ARHGAP20: variants seen among roughly 807,000 people sequenced by gnomAD.
ARHGAP20 encodes the protein Rho GTPase activating protein 20.
ARHGAP20 carries 34 observed loss-of-function variants against 73.7 expected under a neutral mutation model. The observed-to-expected ratio is 0.46, with a 90% CI of 0.35 to 0.61. ARHGAP20 has a LOEUF of 0.61. Ranked by LOEUF, ARHGAP20 falls within the 20% of genes least tolerant of loss-of-function variation. The pLI is 0.00. For missense variants in ARHGAP20, 1,314 were observed against 1,420.9 expected, an observed-to-expected ratio of 0.92 and a Z score of 1.21; for synonymous variants, 523 against 518.2, an observed-to-expected ratio of 1.01 and a Z score of -0.13.
chr11:110,580,080 C>T lies in ARHGAP20; in HGVS notation c.2866G>A (p.Ala956Thr), dbSNP rs770516001. The change falls in exon 15 of 15, where the codon GCT (alanine) becomes ACT (threonine). Residue 956 changes from alanine (A) to threonine (T), a missense_variant. Physicochemically the swap from Ala to Thr is moderately conservative, Grantham distance 58. Transcript: ENST00000683387. The stretch of plus-strand genomic sequence containing the variant: ...GAGTGTTCAGAAATCTGAGAAAAAG[C>T]ACTGTCTTGGGAGCTTACTGATGAG... Reference protein sequence around the residue: ...SGSSVSSQDSAFSQISEHSVF... With the variant: ...SGSSVSSQDSTFSQISEHSVF... The T allele has an allele frequency of 6.2e-7, 1 of 1,614,186 alleles. No individual in the cohort carries two copies. Among genetic ancestry groups the T allele is most frequent in the South Asian group, 1.1e-5 (1 of 91,086 alleles).
chr11:110,674,278 G>T (rs1468431986), intron 2 of ARHGAP20, among the ~76,000 whole-genome samples: 1 of 152,166 alleles, frequency 6.6e-6, no homozygotes, highest in African/African-American at 2.4e-5. Flanking sequence ...TTTGTAAAAT[G>T]AAAAAGCCAT....
At chr11:110,653,045 C>T (rs1023030699) in intron 2 of ARHGAP20, among the ~76,000 whole-genome samples, 5 of 152,120 alleles carry the variant, frequency 3.3e-5, no homozygotes, top group South Asian at 2.1e-4. Context: ...TGGACCCTTT[C>T]CTTACATCTT....
chr11:110,624,321 T>A lies in ARHGAP20; in HGVS notation c.354-10A>T. 1 of 1,530,184 alleles carries A rather than the reference T, an allele frequency of 6.5e-7. No individual in the cohort carries two copies. Among genetic ancestry groups the A allele is most frequent in the African/African-American group, 1.4e-5 (1 of 70,372 alleles). The allele number at this position is 1,530,184 out of a possible 1,614,324, so 94.8% of individuals were successfully genotyped here. A position where few individuals can be genotyped will look rare whatever the true frequency, so the allele number is the denominator to read the frequency against. ...AAAGTTATTGTTATATCTAGAAAGA[T>A]AAAAACCAAACAGAACCTTTTGTTA... is the stretch of plus-strand genomic sequence containing the variant. On this transcript the variant is annotated splice_polypyrimidine_tract_variant and intron_variant, in intron 3 of 14. Transcript: ENST00000683387.
chr11:110,638,505 C>T lies in ARHGAP20; in HGVS notation c.189-7713G>A, dbSNP rs190635666. On this transcript the variant is annotated intron_variant, in intron 2 of 14. Transcript: ENST00000683387. ...GTCTTAGGTAAGAGATGTTGCACAC[C>T]CAAGTTGGCAGTGAGAAAGGGATAG... is the stretch of plus-strand genomic sequence containing the variant. Among the ~76,000 whole-genome samples, 11 of 151,794 alleles carry T rather than the reference C, an allele frequency of 7.2e-5. No individual in the cohort carries two copies. The East Asian group carries it at 1.9e-3, about 27-fold the overall frequency.
intron 2 of ARHGAP20, among the ~76,000 whole-genome samples, chr11:110,651,304 C>T (rs928046813): frequency 6.6e-6 from 1 of 152,014 alleles, no homozygotes; most frequent in Non-Finnish European, 1.5e-5. Context: ...CCTAACATCA[C>T]AACTAAAAGA....
At chr11:110,666,030 C>T (rs1824757451) in intron 2 of ARHGAP20, among the ~76,000 whole-genome samples, 1 of 151,990 alleles carries the variant, frequency 6.6e-6, no homozygotes, top group African/African-American at 2.4e-5. Context: ...CATATATACA[C>T]ACACATATAT....
intron 9 of ARHGAP20, among the ~76,000 whole-genome samples, chr11:110,598,675 G>C (rs1948033588): frequency 6.6e-6 from 1 of 152,176 alleles, no homozygotes; most frequent in African/African-American, 2.4e-5. Context: ...GCAGCAGCAG[G>C]CTGTCTGGAG....
At chr11:110,697,147 G>C (rs1339538763) in intron 1 of ARHGAP20, among the ~76,000 whole-genome samples, 1 of 151,584 alleles carries the variant, frequency 6.6e-6, no homozygotes, top group Non-Finnish European at 1.5e-5. Flanking sequence ...TATATTTTTA[G>C]TTGTTTGATA....
intron 2 of ARHGAP20, among the ~76,000 whole-genome samples, chr11:110,679,975 A>G (rs548682876): frequency 6.6e-6 from 1 of 152,248 alleles, no homozygotes; most frequent in East Asian, 1.9e-4. Context: ...GTAGACTCTT[A>G]CCCTCTTTCC....
chr11:110,623,228 C>A (rs1948666547), intron 4 of ARHGAP20, among the ~76,000 whole-genome samples: 1 of 152,034 alleles, frequency 6.6e-6, no homozygotes, highest in African/African-American at 2.4e-5. Flanking sequence ...TTTAAGTTGT[C>A]TGGCTTTATG....
intron 2 of ARHGAP20, among the ~76,000 whole-genome samples, chr11:110,658,411 T>C (rs748720884): frequency 1.3e-5 from 2 of 152,080 alleles, no homozygotes; most frequent in Non-Finnish European, 2.9e-5. Flanking sequence ...CGAGAATAAT[T>C]CTCTTCTTCC....
chr11:110,659,886 A>G (rs1256534947), intron 2 of ARHGAP20, among the ~76,000 whole-genome samples: 3 of 150,234 alleles, frequency 2.0e-5, no homozygotes, highest in Non-Finnish European at 3.0e-5. Flanking sequence ...GGGGAATATC[A>G]CACTCTGAGG....
chr11:110,703,447 T>C (rs1247436051), intron 1 of ARHGAP20, among the ~76,000 whole-genome samples: 1 of 151,574 alleles, frequency 6.6e-6, no homozygotes. Context: ...ATACCTGCCC[T>C]ACTCACTATA....
chr11:110,649,495 T>C (rs1949302779), intron 2 of ARHGAP20, among the ~76,000 whole-genome samples: 2 of 152,040 alleles, frequency 1.3e-5, no homozygotes, highest in Admixed American at 6.6e-5. Context: ...GTTGGTATCA[T>C]AGAAAAGAAG....
intron 7 of ARHGAP20, among the ~76,000 whole-genome samples, chr11:110,610,919 G>A (rs1948351716): frequency 6.6e-6 from 1 of 151,962 alleles, no homozygotes. Context: ...ATTGAGTCTT[G>A]GGATAATAAC....
intron 2 of ARHGAP20, among the ~76,000 whole-genome samples, chr11:110,633,903 A>G (rs927224853): frequency 6.6e-6 from 1 of 152,202 alleles, no homozygotes; most frequent in African/African-American, 2.4e-5. Flanking sequence ...TCATTCAAAG[A>G]CAGGTGCATA....
intron 9 of ARHGAP20, 115 bp from the exon 10 acceptor site, chr11:110,592,270 T>C (rs1800738391): frequency 1.2e-5 from 11 of 927,738 alleles, no homozygotes; most frequent in South Asian, 2.1e-5. Flanking sequence ...AAGATGCTAA[T>C]AGATGGCTTT....
intron 1 of ARHGAP20, among the ~76,000 whole-genome samples, chr11:110,710,280 A>T (rs1950621825): frequency 1.3e-5 from 2 of 152,220 alleles, no homozygotes; most frequent in African/African-American, 4.8e-5. Flanking sequence ...GTTTCATAAC[A>T]AACGACAGCA....
Position 110,577,251 on chromosome 11 carries a change from T to A in ARHGAP20, c.*2119A>T. ...CAAAGCATTTTAGATAAAGCATCAG[T>A]CTAATATATTATAGATTGATGGAGT... On this transcript the variant is annotated 3_prime_UTR_variant, in exon 15 of 15. Transcript: ENST00000683387. 6.8e-7 allele frequency: 1 copy of A among 1,466,544 alleles called. No individual in the cohort carries two copies. The highest frequency in any genetic ancestry group is 9.0e-7 in the Non-Finnish European group (1 of 1,107,066). The allele number at this position is 1,466,544 out of a possible 1,614,324, so 90.8% of individuals were successfully genotyped here.
Sources: gnomAD v4.1 joint callset for allele counts (sites outside exome capture counted in the v4.1 genomes callset) on GRCh38, gnomAD v4.1.1 for gene constraint, MANE v1.5 for transcripts, NCBI Gene and HGNC (gene_info 2026-07-23, HGNC 2026-07-21) for gene names.